Variants in TMEM26 observed in about 807,000 individuals in gnomAD.
TMEM26 encodes transmembrane protein 26.
In TMEM26, 38 loss-of-function variants were observed where a neutral mutation model predicts 28.8. The ratio of observed to expected loss-of-function variants is 1.32; its 90% CI spans 1.02 to 1.73. The LOEUF is 1.73. Among genes scored for constraint, TMEM26 ranks in the 40% most tolerant of loss-of-function variants. The pLI is 0.00. For synonymous variants in TMEM26, 227 were observed against 182.9 expected (o/e 1.24, Z -1.95); for missense variants, 518 against 447.1 (o/e 1.16, Z -1.43).
At chr10:61,441,022 C>T (rs994310308) in intron 1 of TMEM26, among the ~76,000 whole-genome samples, 1 of 152,092 alleles carries the variant, frequency 6.6e-6, no homozygotes, top group Non-Finnish European at 1.5e-5. Flanking sequence ...TAGATAGTTG[C>T]TGTACAGTAT....
chr10:61,411,684 A>G (rs375786557), intron 5 of TMEM26, among the ~76,000 whole-genome samples: 2 of 152,236 alleles, frequency 1.3e-5, no homozygotes, highest in Admixed American at 1.3e-4. Flanking sequence ...TTCCAGTTAA[A>G]CAAAAGGAGG....
intron 1 of TMEM26, among the ~76,000 whole-genome samples, chr10:61,450,549 C>T (rs1427172701): frequency 6.6e-6 from 1 of 152,102 alleles, no homozygotes; most frequent in East Asian, 1.9e-4. Flanking sequence ...TATTTGGTAA[C>T]ATCAATAGAA....
At chr10:61,431,406 T>A (rs1839920943) in intron 2 of TMEM26, 74 bp from the exon 3 acceptor site, 3 of 1,059,550 alleles carry the variant, frequency 2.8e-6, no homozygotes, top group Non-Finnish European at 4.4e-6. Flanking sequence ...ATGACTTAAA[T>A]CTGTTCAAGA....
chr10:61,446,854 T>TAAAAAAAAAAAAAAAAAAAAAA (rs1840191839), intron 1 of TMEM26, among the ~76,000 whole-genome samples: 1 of 78,348 alleles, frequency 1.3e-5, no homozygotes, highest in African/African-American at 5.5e-5. Flanking sequence ...AAAAAAAAAT[T>TAAAAAAAAAAAAAAAAAAAAAA]AAAAATGCTT....
chr10:61,442,709 GTCATGATAT>G (rs1179137652), intron 1 of TMEM26, among the ~76,000 whole-genome samples: 4 of 152,156 alleles, frequency 2.6e-5, no homozygotes, highest in African/African-American at 9.7e-5. Context: ...AAAAAACCAG[GTCATGATAT>G]TCTTTTCTAA....
chr10:61,419,640 G>A (rs947932111), intron 4 of TMEM26, among the ~76,000 whole-genome samples: 1 of 152,042 alleles, frequency 6.6e-6, no homozygotes, highest in Middle Eastern at 3.4e-3. Flanking sequence ...GAATCTGAAA[G>A]ACACAGAGTA....
At chr10:61,415,449 A>G (rs1839636385) in intron 4 of TMEM26, among the ~76,000 whole-genome samples, 1 of 152,092 alleles carries the variant, frequency 6.6e-6, no homozygotes, top group Non-Finnish European at 1.5e-5. Flanking sequence ...AATGTTATGG[A>G]CAGTTTCTGA....
In TMEM26 at chr10:61,436,197, C is replaced by T. The variant is rs775053970; in HGVS notation, c.243G>A (p.Trp81Ter). ...LYLISIVPSL[W>*]LLELHHETQY... is the part of the protein sequence containing the mutation. ...GGGTCTCATGGTGCAATTCAAGAAGCCATAATGATGGAACGATGCTAATCA... is the reference window on the plus strand; with the variant it reads ...GGGTCTCATGGTGCAATTCAAGAAGTCATAATGATGGAACGATGCTAATCA... The change falls in exon 2 of 6, where the codon TGG becomes TGA. Residue 81 changes from tryptophan (W) to a stop codon, truncating the protein, a stop_gained. Coordinates refer to ENST00000399298, the MANE Select transcript of TMEM26 (RefSeq NM_178505.8). LOFTEE classifies it high-confidence loss of function. 6.2e-7 allele frequency: 1 copy of T among 1,609,170 alleles called. No homozygotes were observed. The highest frequency in any genetic ancestry group is 8.5e-7 in the Non-Finnish European group (1 of 1,177,398).
At chr10:61,445,012 A>G (rs955306087) in intron 1 of TMEM26, among the ~76,000 whole-genome samples, 3 of 152,160 alleles carry the variant, frequency 2.0e-5, no homozygotes, top group Non-Finnish European at 4.4e-5. Flanking sequence ...GTCAGTTGTG[A>G]CCTTGGATAA....
intron 4 of TMEM26, among the ~76,000 whole-genome samples, chr10:61,425,851 T>G (rs1305401959): frequency 1.3e-5 from 2 of 152,092 alleles, no homozygotes; most frequent in Admixed American, 6.6e-5. Context: ...GGAATATAAA[T>G]TAATACAACT....
At chr10:61,443,059 T>C (rs540465237) in intron 1 of TMEM26, among the ~76,000 whole-genome samples, 12 of 152,260 alleles carry the variant, frequency 7.9e-5, no homozygotes, top group South Asian at 4.1e-4. Flanking sequence ...CCTTTGCATG[T>C]GCCTGTTCCC....
intron 2 of TMEM26, among the ~76,000 whole-genome samples, chr10:61,431,821 C>G (rs972191467): frequency 1.3e-5 from 2 of 151,500 alleles, no homozygotes; most frequent in Non-Finnish European, 2.9e-5. Flanking sequence ...ATGAAGAATT[C>G]CATCACCCAG....
chr10:61,415,074 A>G (rs758159254), intron 4 of TMEM26: 36 of 985,226 alleles, frequency 3.7e-5, no homozygotes, highest in Non-Finnish European at 4.0e-5. Context: ...GGCTTCTCAC[A>G]TGCACATATG....
In TMEM26 at chr10:61,408,933, TA is replaced by T. The variant is rs925319555; in HGVS notation, c.*1388del. On this transcript the variant is annotated 3_prime_UTR_variant, in exon 6 of 6. Transcript: ENST00000399298. ...ATCATGTCACCCAGAGAGTTACAGA[TA>T]AAATTGTCCCAACTGGTTGTCAATA... The T allele has an allele frequency of 6.6e-6, 1 of 152,272 alleles. No homozygotes were observed. The allele number at this position is 152,272 out of a possible 1,614,324, so 9.4% of individuals were successfully genotyped here.
intron 1 of TMEM26, among the ~76,000 whole-genome samples, chr10:61,438,662 C>G (rs1362011380): frequency 6.6e-6 from 1 of 152,104 alleles, no homozygotes; most frequent in African/African-American, 2.4e-5. Context: ...CAACGTATTT[C>G]CTCTAATTGG....
intron 4 of TMEM26, among the ~76,000 whole-genome samples, chr10:61,428,469 T>C (rs1839867388): frequency 6.6e-6 from 1 of 152,102 alleles, no homozygotes; most frequent in African/African-American, 2.4e-5. Flanking sequence ...AATCCCCAAA[T>C]GGATAGGGAG....
At chr10:61,439,501 A>T (rs537303695) in intron 1 of TMEM26, among the ~76,000 whole-genome samples, 8 of 152,212 alleles carry the variant, frequency 5.3e-5, no homozygotes, top group Non-Finnish European at 1.0e-4. Context: ...GATATCTACA[A>T]GGAGCTTTCA....
intron 1 of TMEM26, among the ~76,000 whole-genome samples, chr10:61,446,985 A>G (rs1207391106): frequency 1.3e-5 from 2 of 152,098 alleles, no homozygotes; most frequent in Non-Finnish European, 2.9e-5. Context: ...AAAATGCACT[A>G]TGTGCAAACA....
intron 1 of TMEM26, among the ~76,000 whole-genome samples, chr10:61,448,517 G>A (rs757470063): frequency 3.9e-5 from 6 of 152,118 alleles, no homozygotes; most frequent in Admixed American, 3.3e-4. Flanking sequence ...TGGAAGATAG[G>A]AAATGCTAAA....
Sources: gnomAD v4.1 joint callset for allele counts (sites outside exome capture counted in the v4.1 genomes callset) on GRCh38, gnomAD v4.1.1 for gene constraint, MANE v1.5 for transcripts, NCBI Gene and HGNC (gene_info 2026-07-23, HGNC 2026-07-21) for gene names.